DOCK5: variants seen among roughly 807,000 people sequenced by gnomAD.
The protein encoded by DOCK5 is dedicator of cytokinesis protein 5.
A neutral mutation model predicts 251.8 loss-of-function variants in DOCK5; 142 were observed. That is an observed-to-expected ratio of 0.56 (90% CI 0.49 to 0.65). The LOEUF is 0.65. DOCK5 is among the 30% of genes least tolerant of loss of function. DOCK5 has a pLI of 0.00. For missense variants in DOCK5, 2,111 were observed against 2,312.3 expected (o/e 0.91, Z 1.79); for synonymous variants, 842 against 835.5 (o/e 1.01, Z -0.13).
intron 35 of DOCK5, among the ~76,000 whole-genome samples, chr8:25,373,107 T>C (rs13268869): frequency 0.46 from 69,903 of 151,424 alleles, 16,354 homozygotes; most frequent in Middle Eastern, 0.55. Flanking sequence ...TCAAGCAATT[T>C]TCCTGCCTCA....
At chr8:25,400,790 C>T in intron 46 of DOCK5, 139 bp from the exon 47 acceptor site, 1 of 876,088 alleles carries the variant, frequency 1.1e-6, no homozygotes, top group Non-Finnish European at 1.8e-6. Flanking sequence ...ACAAGTCCTA[C>T]ACTGAGAAGT....
At chr8:25,331,799 TATAGAG>T (rs1488189984) in intron 18 of DOCK5, among the ~76,000 whole-genome samples, 73 of 48,976 alleles carry the variant, frequency 1.5e-3, no homozygotes, top group South Asian at 2.9e-3. Flanking sequence ...TATATATATA[TATAGAG>T]AGAGAGAGAG....
At chr8:25,232,275 G>GAATGCAATGC (rs771341978) in intron 1 of DOCK5, among the ~76,000 whole-genome samples, 7 of 77,242 alleles carry the variant, frequency 9.1e-5, no homozygotes, top group Admixed American at 5.6e-4. Context: ...CTGCAATGCA[G>GAATGCAATGC]AATGCAATGC....
In DOCK5 at chr8:25,333,986, G is replaced by T. The variant is rs1040333651; in HGVS notation, c.2092-110G>T. 1.9e-5 allele frequency: 15 copies of T among 771,750 alleles called. No individual in the cohort carries two copies. The African/African-American group carries it at 2.4e-4, about 12-fold the overall frequency. 47.8% of individuals were successfully genotyped at this position (771,750 alleles called of 1,614,324 possible). A position where few individuals can be genotyped will look rare whatever the true frequency, so the allele number is the denominator to read the frequency against. On this transcript the variant is annotated intron_variant, in intron 20 of 51. Transcript: ENST00000276440. ...TCTGGAATAGTAGAGTGGGAATGCT[G>T]CAGAAAAGATCCAGAGAGGAAAGAA...
intron 1 of DOCK5, among the ~76,000 whole-genome samples, chr8:25,188,814 CT>C (rs1013487928): frequency 2.8e-5 from 4 of 141,000 alleles, no homozygotes; most frequent in African/African-American, 9.8e-5. Flanking sequence ...TTTTTCTCAT[CT>C]TTTTTCTTTC....
intron 38 of DOCK5, among the ~76,000 whole-genome samples, chr8:25,378,869 G>A (rs1396912182): frequency 6.6e-6 from 1 of 152,198 alleles, no homozygotes; most frequent in East Asian, 1.9e-4. Flanking sequence ...GATAAATAAA[G>A]AGAAAGAGTA....
chr8:25,204,879 A>G (rs567196452), intron 1 of DOCK5, among the ~76,000 whole-genome samples: 64 of 152,106 alleles, frequency 4.2e-4, no homozygotes, highest in Non-Finnish European at 6.9e-4. Flanking sequence ...ATTGATTTTA[A>G]CAGAGTGCTA....
intron 45 of DOCK5, among the ~76,000 whole-genome samples, chr8:25,396,763 C>CGTGTGTGTGTGTGTGTGTGTGT (rs5890230): frequency 1.4e-5 from 2 of 147,212 alleles, no homozygotes; most frequent in African/African-American, 5.1e-5. Flanking sequence ...CTCTTGTGTC[C>CGTGTGTGTGTGTGTGTGTGTGT]GTGTGTGTGT....
Position 25,369,569 on chromosome 8 carries a change from T to C in DOCK5, c.3452T>C (p.Leu1151Pro). The C allele has an allele frequency of 6.2e-7, 1 of 1,610,632 alleles. No homozygotes were observed. Among genetic ancestry groups the C allele is most frequent in the Non-Finnish European group, 8.5e-7 (1 of 1,178,414 alleles). ...CTCTACTTTCAGTTTGAGAATGAGC[T>C]GATCACAAAGCTGGACCAGGAGGTA... ...NGNFHMFENELITKLDQEVEG... is the reference protein window; with the variant it reads ...NGNFHMFENEPITKLDQEVEG... Residue 1151 changes from leucine (L) to proline (P), a missense_variant, in exon 34 of 52, where the codon CTG (leucine) becomes CCG (proline). By Grantham distance (98) the Leu-to-Pro change is moderately conservative. This residue lies in a region of DOCK5 where 1,717 missense variants were observed against 1,892.4 expected (regional missense o/e 0.91). Transcript: ENST00000276440.
intron 2 of DOCK5, among the ~76,000 whole-genome samples, chr8:25,246,323 G>A (rs1803107318): frequency 6.6e-6 from 1 of 152,130 alleles, no homozygotes; most frequent in Non-Finnish European, 1.5e-5. Flanking sequence ...CGCCCAGGTG[G>A]AGTGCAGTGG....
At chr8:25,383,656 AC>A (rs1281634081) in intron 40 of DOCK5, among the ~76,000 whole-genome samples, 1 of 152,176 alleles carries the variant, frequency 6.6e-6, no homozygotes, top group Non-Finnish European at 1.5e-5. Flanking sequence ...GGGGTTCGAG[AC>A]CAGTGTGGCC....
At chr8:25,345,664 C>T in intron 26 of DOCK5, 53 bp downstream of exon 26, 1 of 1,601,456 alleles carries the variant, frequency 6.2e-7, no homozygotes, top group Non-Finnish European at 8.5e-7. Context: ...CCCCTTTGCA[C>T]CAGACAGGAG....
intron 2 of DOCK5, among the ~76,000 whole-genome samples, chr8:25,258,810 T>G (rs1287390572): frequency 6.6e-6 from 1 of 152,190 alleles, no homozygotes; most frequent in East Asian, 1.9e-4. Context: ...GACAGTTCCC[T>G]GTTTTGATCA....
chr8:25,307,506 T>C (rs1804975630), intron 11 of DOCK5, among the ~76,000 whole-genome samples: 1 of 152,190 alleles, frequency 6.6e-6, no homozygotes, highest in African/African-American at 2.4e-5. Context: ...GTATATTGAA[T>C]AAATATAAAT....
intron 1 of DOCK5, among the ~76,000 whole-genome samples, chr8:25,230,049 G>A (rs1006708567): frequency 8.5e-5 from 13 of 152,190 alleles, no homozygotes; most frequent in Non-Finnish European, 1.6e-4. Context: ...GAATCAGCAA[G>A]TATAGAGCCA....
intron 1 of DOCK5, among the ~76,000 whole-genome samples, chr8:25,190,949 AATTTTTTGT>A (rs1350183796): frequency 4.0e-5 from 6 of 151,600 alleles, no homozygotes; most frequent in Non-Finnish European, 7.4e-5. Context: ...GCGCCAGGCT[AATTTTTTGT>A]ATTTTTTAGT....
intron 37 of DOCK5, chr8:25,375,803 T>C: frequency 1.0e-6 from 1 of 985,386 alleles, no homozygotes; most frequent in Non-Finnish European, 1.2e-6. Flanking sequence ...ATTAAAAAGC[T>C]TATTGTATAA....
chr8:25,349,318 A>G (rs1164640501), intron 26 of DOCK5, among the ~76,000 whole-genome samples: 2 of 152,232 alleles, frequency 1.3e-5, no homozygotes, highest in African/African-American at 4.8e-5. Context: ...AAAACAGACT[A>G]TGAAAAACAG....
chr8:25,312,320 G>A (rs1693834628), intron 13 of DOCK5, among the ~76,000 whole-genome samples: 1 of 152,230 alleles, frequency 6.6e-6, no homozygotes, highest in Non-Finnish European at 1.5e-5. Context: ...TGATCAAGGT[G>A]ACAGCAGGGT....
Sources: allele counts gnomAD v4.1 joint callset (sites outside exome capture counted in the v4.1 genomes callset), GRCh38; gene constraint gnomAD v4.1.1; regional missense constraint gnomAD v4.1.1; transcripts MANE v1.5; gene names NCBI Gene and HGNC (gene_info 2026-07-23, HGNC 2026-07-21).